Variants in ATXN7L1 observed in about 807,000 individuals in gnomAD.
ATXN7L1 encodes ataxin-7-like protein 1.
Under a neutral mutation model 70.8 loss-of-function variants are expected in ATXN7L1, and 15 were observed. The ratio of observed to expected loss-of-function variants is 0.21; its 90% CI spans 0.14 to 0.33. ATXN7L1 has a LOEUF of 0.33. ATXN7L1 is among the 10% of genes least tolerant of loss of function. The pLI is 1.00. For synonymous variants in ATXN7L1, 440 were observed against 445.1 expected, an observed-to-expected ratio of 0.99 and a Z score of 0.14; for missense variants, 975 against 1,097.1, an observed-to-expected ratio of 0.89 and a Z score of 1.57.
chr7:105,738,211 C>T (rs557804874), intron 3 of ATXN7L1, among the ~76,000 whole-genome samples: 32 of 152,334 alleles, frequency 2.1e-4, no homozygotes, highest in Non-Finnish European at 4.1e-4. Context: ...TGAAGGATTT[C>T]CACCAACTGA....
intron 3 of ATXN7L1, among the ~76,000 whole-genome samples, chr7:105,674,555 C>T (rs1804320451): frequency 6.6e-6 from 1 of 152,194 alleles, no homozygotes; most frequent in African/African-American, 2.4e-5. Flanking sequence ...CAGACCTCAG[C>T]AGCTGGCAGG....
chr7:105,678,643 A>G (rs1805076568), intron 3 of ATXN7L1, among the ~76,000 whole-genome samples: 2 of 152,234 alleles, frequency 1.3e-5, no homozygotes, highest in African/African-American at 4.8e-5. Flanking sequence ...TGCACTGAGT[A>G]GATAATACAC....
At chr7:105,739,317 C>A (rs141073937) in intron 3 of ATXN7L1, among the ~76,000 whole-genome samples, 1,702 of 152,200 alleles carry the variant, frequency 0.011, 14 homozygotes, top group Middle Eastern at 0.031. Context: ...AATGCCCCAC[C>A]CCAGACCCAT....
At chr7:105,795,087 G>A (rs929406) in intron 2 of ATXN7L1, among the ~76,000 whole-genome samples, 6 of 151,972 alleles carry the variant, frequency 3.9e-5, no homozygotes, top group African/African-American at 7.3e-5. Context: ...CCTTCCTCCC[G>A]CTGAAATCTG....
intron 2 of ATXN7L1, among the ~76,000 whole-genome samples, chr7:105,809,340 G>A (rs1808077538): frequency 6.6e-6 from 1 of 152,136 alleles, no homozygotes; most frequent in Non-Finnish European, 1.5e-5. Context: ...TTAACCATAA[G>A]CACACTGTTG....
intron 2 of ATXN7L1, among the ~76,000 whole-genome samples, chr7:105,809,991 C>G (rs149771314): frequency 6.6e-6 from 1 of 152,154 alleles, no homozygotes; most frequent in Admixed American, 6.5e-5. Context: ...AGGCTGGCCT[C>G]GAATTCCAGG....
At chr7:105,792,824 A>G (rs1437635501) in intron 2 of ATXN7L1, among the ~76,000 whole-genome samples, 1 of 152,222 alleles carries the variant, frequency 6.6e-6, no homozygotes, top group African/African-American at 2.4e-5. Context: ...ACTGAATAAA[A>G]ACGGGCAAAA....
intron 3 of ATXN7L1, among the ~76,000 whole-genome samples, chr7:105,680,868 T>A (rs916016637): frequency 3.9e-5 from 6 of 152,158 alleles, no homozygotes; most frequent in Non-Finnish European, 8.8e-5. Flanking sequence ...AGGACAGAGA[T>A]GGGAACAGCT....
chr7:105,869,559 C>T (rs922210666), intron 2 of ATXN7L1, among the ~76,000 whole-genome samples: 3 of 152,224 alleles, frequency 2.0e-5, no homozygotes, highest in African/African-American at 7.2e-5. Context: ...CTGAGCTGAA[C>T]ATGCTCCTAT....
At chr7:105,778,069 C>T (rs1802986067) in intron 3 of ATXN7L1, among the ~76,000 whole-genome samples, 3 of 152,156 alleles carry the variant, frequency 2.0e-5, no homozygotes, top group African/African-American at 7.2e-5. Context: ...AGAACAGTGC[C>T]TGGCATATAG....
intron 3 of ATXN7L1, among the ~76,000 whole-genome samples, chr7:105,694,927 G>T (rs1420842451): frequency 6.6e-6 from 1 of 152,174 alleles, no homozygotes; most frequent in Non-Finnish European, 1.5e-5. Flanking sequence ...CTGAGGCGGT[G>T]GATTGCCTGA....
At position 105,759,483 on chromosome 7, in the gene ATXN7L1, TG is replaced by T. The variant is rs67456771; in HGVS notation, c.355+29120del. Among the ~76,000 whole-genome samples the T allele has an allele frequency of 4.9e-3, 625 of 126,366 alleles. 18 individuals are homozygous for T. The highest frequency in any genetic ancestry group is 0.029 in the Admixed American group (367 of 12,756). The allele number at this position is 126,366 out of a possible 152,430, so 82.9% of individuals were successfully genotyped here. On this transcript the variant is annotated intron_variant, in intron 3 of 11. Coordinates refer to ENST00000419735, the MANE Select transcript of ATXN7L1 (RefSeq NM_020725.2). Reference sequence around the variant, plus strand: ...GTGTGTGTGTGTGTGTGTGTGTGTGTGTGTGTGTATGTCAGAGTGACCTATC... The same window carrying T: ...GTGTGTGTGTGTGTGTGTGTGTGTGTTGTGTGTATGTCAGAGTGACCTATC...
At chr7:105,612,203 A>C (rs963282908) in intron 10 of ATXN7L1, among the ~76,000 whole-genome samples, 1 of 152,136 alleles carries the variant, frequency 6.6e-6, no homozygotes, top group African/African-American at 2.4e-5. Context: ...TCCTAGCCTA[A>C]CTACTGCTTC....
chr7:105,656,869 C>T (rs1800733221), intron 4 of ATXN7L1, among the ~76,000 whole-genome samples: 1 of 152,184 alleles, frequency 6.6e-6, no homozygotes, highest in Non-Finnish European at 1.5e-5. Context: ...CGCCGGCCTC[C>T]CCCTTTCTTG....
chr7:105,873,530 G>A (rs1264947988), intron 2 of ATXN7L1, among the ~76,000 whole-genome samples: 2 of 152,156 alleles, frequency 1.3e-5, no homozygotes, highest in East Asian at 1.9e-4. Flanking sequence ...GGGGGAATAC[G>A]TATTCAGTAT....
intron 2 of ATXN7L1, among the ~76,000 whole-genome samples, chr7:105,832,911 T>TATG (rs745718865): frequency 2.0e-5 from 3 of 152,130 alleles, no homozygotes; most frequent in Admixed American, 6.5e-5. Flanking sequence ...GCTAACCACA[T>TATG]CCATTACTAT....
rs893125843 is a variant in ATXN7L1, at chr7:105,789,632, A to C, written c.251-924T>G. Among the ~76,000 whole-genome samples, 16 of 152,116 alleles carry C rather than the reference A, an allele frequency of 1.1e-4. No homozygotes were observed. In the East Asian group the frequency reaches 2.9e-3, roughly 27 times the overall value. On this transcript the variant is annotated intron_variant, in intron 2 of 11. Coordinates refer to ENST00000419735, the MANE Select transcript of ATXN7L1 (RefSeq NM_020725.2). ...CCAAGGAAGGAGGCTCTGTGCATGG[A>C]GGGAGTCTTGGCGCCTCTTGGCTGG...
At chr7:105,625,633 A>G (rs1795592393) in intron 7 of ATXN7L1, among the ~76,000 whole-genome samples, 1 of 152,224 alleles carries the variant, frequency 6.6e-6, no homozygotes, top group South Asian at 2.1e-4. Flanking sequence ...ATTTTTTTCA[A>G]TGAACCAATG....
chr7:105,865,650 C>G (rs1050926998), intron 2 of ATXN7L1, among the ~76,000 whole-genome samples: 1 of 152,178 alleles, frequency 6.6e-6, no homozygotes, highest in Non-Finnish European at 1.5e-5. Flanking sequence ...ATCTGCCCAC[C>G]TTGGCCTCCC....
Sources: allele counts gnomAD v4.1 joint callset (sites outside exome capture counted in the v4.1 genomes callset), GRCh38; gene constraint gnomAD v4.1.1; transcripts MANE v1.5; gene names NCBI Gene and HGNC (gene_info 2026-07-23, HGNC 2026-07-21).